Variants in CAMTA1 observed in about 807,000 individuals in gnomAD.
CAMTA1 encodes the protein calmodulin binding transcription activator 1, also known as calmodulin-binding transcription activator 1.
A neutral mutation model predicts 170.9 loss-of-function variants in CAMTA1; 27 were observed. The ratio of observed to expected loss-of-function variants is 0.16; its 90% CI spans 0.12 to 0.22. CAMTA1 has a LOEUF of 0.22. CAMTA1 is among the 10% of genes least tolerant of loss of function. The pLI is 1.00. For synonymous variants in CAMTA1, 833 were observed against 891.5 expected, an observed-to-expected ratio of 0.93 and a Z score of 1.17; for missense variants, 1,619 against 2,217.2, an observed-to-expected ratio of 0.73 and a Z score of 5.42.
intron 4 of CAMTA1, among the ~76,000 whole-genome samples, chr1:7,150,229 G>A (rs142814581): frequency 3.7e-4 from 57 of 152,360 alleles, no homozygotes; most frequent in African/African-American, 1.4e-3. Flanking sequence ...CTCACTTGGG[G>A]GGCTTTGGCT....
intron 5 of CAMTA1, among the ~76,000 whole-genome samples, chr1:7,274,470 G>A (rs1449096322): frequency 6.6e-6 from 1 of 152,174 alleles, no homozygotes; most frequent in East Asian, 1.9e-4. Context: ...TGACAGAATT[G>A]AAAGGAAGAA....
intron 7 of CAMTA1, among the ~76,000 whole-genome samples, chr1:7,660,773 A>T (rs2095949002): frequency 6.6e-6 from 1 of 151,986 alleles, no homozygotes; most frequent in African/African-American, 2.4e-5. Flanking sequence ...CCGTATCTCG[A>T]CCCTGTGCCC....
Position 7,144,535 on chromosome 1 carries a change from T to A in CAMTA1, c.302+53164T>A, listed in dbSNP as rs372794625. ...CCGATATATATAACACTAGGCAGGA[T>A]TAGAAGATTTGCCTTGTCGGTGTAG... On this transcript the variant is annotated intron_variant, in intron 4 of 22. Coordinates refer to ENST00000303635, the MANE Select transcript of CAMTA1 (RefSeq NM_015215.4). The surrounding 1 kb of genome is among the most constrained non-coding windows in gnomAD (Gnocchi z 4.0). Among the ~76,000 whole-genome samples the A allele has an allele frequency of 6.6e-6, 1 of 152,110 alleles. No individual in the cohort carries two copies. Among genetic ancestry groups the A allele is most frequent in the African/African-American group, 2.4e-5 (1 of 41,412 alleles).
At chr1:7,386,627 G>A (rs1027491454) in intron 5 of CAMTA1, among the ~76,000 whole-genome samples, 70 of 152,178 alleles carry the variant, frequency 4.6e-4, no homozygotes, top group African/African-American at 1.7e-3. Context: ...TTGACGATGG[G>A]CAGATGGGGT....
intron 5 of CAMTA1, among the ~76,000 whole-genome samples, chr1:7,269,350 T>A (rs1669361696): frequency 6.6e-6 from 1 of 152,262 alleles, no homozygotes; most frequent in Non-Finnish European, 1.5e-5. Context: ...TATGGCAGGT[T>A]GCTTCATCAA....
At chr1:7,083,933 C>T (rs1260656079) in intron 3 of CAMTA1, among the ~76,000 whole-genome samples, 1 of 150,478 alleles carries the variant, frequency 6.6e-6, no homozygotes, top group African/African-American at 2.4e-5. Context: ...CTAGCAGATG[C>T]TGGGGCCAGC....
chr1:7,690,052 G>A lies in CAMTA1; in HGVS notation c.2914+12319G>A, dbSNP rs12385743. Among the ~76,000 whole-genome samples, 1,049 of 152,292 alleles carry A rather than the reference G, an allele frequency of 6.9e-3. 15 individuals carry two copies. Among genetic ancestry groups the A allele is most frequent in the African/African-American group, 0.024 (1,002 of 41,566 alleles). On this transcript the variant is annotated intron_variant, in intron 11 of 22. Coordinates refer to ENST00000303635, the MANE Select transcript of CAMTA1 (RefSeq NM_015215.4). ...CAGGCGCCTGTAATCCCAGCTACTC[G>A]GGAGGCTGAGTGAGACAGGAGAATC... is the stretch of plus-strand genomic sequence containing the variant.
chr1:7,670,014 T>A (rs1169816697), intron 9 of CAMTA1, among the ~76,000 whole-genome samples: 3 of 152,142 alleles, frequency 2.0e-5, no homozygotes, highest in Non-Finnish European at 4.4e-5. Flanking sequence ...GAACGGGGAG[T>A]CAGGGAGTAC....
chr1:7,753,299 G>C (rs554667323), intron 21 of CAMTA1, among the ~76,000 whole-genome samples: 1 of 152,326 alleles, frequency 6.6e-6, no homozygotes, highest in African/African-American at 2.4e-5. Flanking sequence ...GGTGAAAGTG[G>C]TTTGTGTTCT....
chr1:7,284,899 A>G (rs1396173081), intron 5 of CAMTA1, among the ~76,000 whole-genome samples: 1 of 152,154 alleles, frequency 6.6e-6, no homozygotes, highest in Non-Finnish European at 1.5e-5. Flanking sequence ...TAGAGAATCC[A>G]CAGAACTCGT....
chr1:6,868,116 G>C (rs1363781150), intron 3 of CAMTA1, among the ~76,000 whole-genome samples: 1 of 151,954 alleles, frequency 6.6e-6, no homozygotes, highest in Non-Finnish European at 1.5e-5. Flanking sequence ...GGCCTGGGTA[G>C]TTCTTTTTAA....
intron 6 of CAMTA1, among the ~76,000 whole-genome samples, chr1:7,520,709 C>A (rs1618346): frequency 0.52 from 78,930 of 151,954 alleles, 21,694 homozygotes; most frequent in Non-Finnish European, 0.61. Flanking sequence ...GTCCCAGCTA[C>A]CCCAGGCTCC....
intron 4 of CAMTA1, among the ~76,000 whole-genome samples, chr1:7,122,526 G>A (rs530847157): frequency 6.6e-5 from 10 of 152,266 alleles, no homozygotes; most frequent in African/African-American, 2.4e-4. Flanking sequence ...CATGTAACAA[G>A]CAGCAGAGCA....
chr1:7,236,101 C>T lies in CAMTA1; in HGVS notation c.303-13390C>T, dbSNP rs1275977741. On this transcript the variant is annotated intron_variant, in intron 4 of 22. Coordinates refer to ENST00000303635, the MANE Select transcript of CAMTA1 (RefSeq NM_015215.4). Reference sequence around the variant, plus strand: ...ACACGGAATGCTTGTAACCAGTTTTCTTGCTCCTTGTCCCCCAAATCGTGA... The same window carrying T: ...ACACGGAATGCTTGTAACCAGTTTTTTTGCTCCTTGTCCCCCAAATCGTGA... Among the ~76,000 whole-genome samples, 7 of 152,314 alleles carry T rather than the reference C, an allele frequency of 4.6e-5. No homozygotes were observed. In the East Asian group the frequency reaches 1.2e-3, roughly 25 times the overall value.
At chr1:7,715,447 T>C (rs530239882) in intron 11 of CAMTA1, among the ~76,000 whole-genome samples, 40 of 151,692 alleles carry the variant, frequency 2.6e-4, no homozygotes, top group African/African-American at 8.5e-4. Context: ...TTTTTTTTTT[T>C]CTTGAGGCAC....
intron 3 of CAMTA1, among the ~76,000 whole-genome samples, chr1:6,943,151 A>T (rs905632950): frequency 6.6e-6 from 1 of 151,650 alleles, no homozygotes; most frequent in Non-Finnish European, 1.5e-5. Flanking sequence ...GCAGCGGTTA[A>T]CACAGCCACT....
intron 1 of CAMTA1, among the ~76,000 whole-genome samples, chr1:6,812,044 T>G (rs752695949): frequency 2.0e-4 from 31 of 152,222 alleles, no homozygotes; most frequent in Non-Finnish European, 4.1e-4. Context: ...GTTCCACCGC[T>G]CTCTTCTCCT....
intron 6 of CAMTA1, among the ~76,000 whole-genome samples, chr1:7,583,760 AG>A (rs1474745292): frequency 6.6e-6 from 1 of 151,290 alleles, no homozygotes; most frequent in Admixed American, 6.5e-5. Context: ...AGACCTGCAC[AG>A]GTGCACAGGA....
rs1661334895 is a variant in CAMTA1 at position 7,224,406 on chromosome 1, G to A, written c.303-25085G>A. Among the ~76,000 whole-genome samples, 1 of 152,162 alleles carries A rather than the reference G, an allele frequency of 6.6e-6. No homozygotes were observed. On this transcript the variant is annotated intron_variant, in intron 4 of 22. Transcript: ENST00000303635. This position sits in a 1 kb window ranked among gnomAD's most constrained non-coding sequence, Gnocchi z 5.2. ...CTGGATGGCTCAGCGTCCACCCAAAGGGAAGTGGAAAAACCAGCAGCTGGC... is the reference window on the plus strand; with the variant it reads ...CTGGATGGCTCAGCGTCCACCCAAAAGGAAGTGGAAAAACCAGCAGCTGGC...
Sources: gnomAD v4.1 joint callset for allele counts (sites outside exome capture counted in the v4.1 genomes callset) on GRCh38, gnomAD v4.1.1 for gene constraint, Gnocchi (gnomAD v3.1) non-coding constraint, MANE v1.5 for transcripts, NCBI Gene and HGNC (gene_info 2026-07-23, HGNC 2026-07-21) for gene names.